UNC45B: variants seen among roughly 807,000 people sequenced by gnomAD.
UNC45B encodes protein unc-45 homolog B.
A neutral mutation model predicts 98.7 loss-of-function variants in UNC45B; 78 were observed. The observed-to-expected ratio is 0.79, with a 90% CI of 0.66 to 0.95. The LOEUF (loss-of-function observed/expected upper bound fraction) is 0.95, where lower values mean the gene tolerates loss of function less well. Among genes scored for constraint, UNC45B ranks in the 40% least tolerant of loss-of-function variants. The pLI is 0.00. For missense variants in UNC45B, 1,225 were observed against 1,184.9 expected (o/e 1.03, Z -0.50); for synonymous variants, 462 against 480.4 (o/e 0.96, Z 0.50).
chr17:35,150,056 A>C lies in UNC45B; in HGVS notation c.214A>C (p.Ile72Leu). The C allele has an allele frequency of 6.2e-7, 1 of 1,605,616 alleles. No homozygotes were observed. Among genetic ancestry groups the C allele is most frequent in the Non-Finnish European group, 8.5e-7 (1 of 1,175,792 alleles). ...CCGTCTCCCCTCGATAGCCATCGACATCAACTCCTCGGACATCAAGGCTCT... is the reference window on the plus strand; with the variant it reads ...CCGTCTCCCCTCGATAGCCATCGACCTCAACTCCTCGGACATCAAGGCTCT... ...AASDASRAID[I>L]NSSDIKALYR... is the part of the protein sequence containing the mutation. The change falls in exon 4 of 20, where the codon ATC (isoleucine) becomes CTC (leucine). Residue 72 changes from isoleucine (I) to leucine (L), a missense_variant. Transcript: ENST00000394570.
At position 35,186,605 on chromosome 17, in the gene UNC45B, G is replaced by A. The variant is rs1199089287; in HGVS notation, c.*46G>A. 1.9e-6 allele frequency: 3 copies of A among 1,592,690 alleles called. No individual in the cohort carries two copies. The highest frequency in any genetic ancestry group is 2.3e-5 in the South Asian group (2 of 88,422). On this transcript the variant is annotated 3_prime_UTR_variant, in exon 20 of 20. Coordinates refer to ENST00000394570, the MANE Select transcript of UNC45B (RefSeq NM_001267052.2). The stretch of plus-strand genomic sequence containing the variant: ...TGGGAGTGGTCCTGTACTGTGCAGA[G>A]TCCTGGGTTGGTTGGGTTCTCCTGA...
At chr17:35,185,117 G>A (rs757769193) in intron 19 of UNC45B, among the ~76,000 whole-genome samples, 1 of 152,076 alleles carries the variant, frequency 6.6e-6, no homozygotes, top group Non-Finnish European at 1.5e-5. Flanking sequence ...CTTGGGATAG[G>A]ACATTCAGTG....
chr17:35,169,481 G>A (rs2092166718), intron 10 of UNC45B, among the ~76,000 whole-genome samples: 1 of 152,166 alleles, frequency 6.6e-6, no homozygotes, highest in African/African-American at 2.4e-5. Context: ...GGATTTCTCT[G>A]TCAGTTTCTG....
chr17:35,150,194 A>G lies in UNC45B; in HGVS notation c.352A>G (p.Arg118Gly). The change falls in exon 4 of 20, where the codon AGG becomes GGG. Residue 118 changes from arginine to glycine, a missense_variant. By Grantham distance (125) the Arg-to-Gly change is moderately radical (BLOSUM62 -2). Transcript: ENST00000394570. Reference sequence around the variant, plus strand: ...GAACCAGAACTTCCAGGAGATGCTGAGGAGACTCAACACCAGCATTCAGGA... The same window carrying G: ...GAACCAGAACTTCCAGGAGATGCTGGGGAGACTCAACACCAGCATTCAGGA... The part of the protein sequence containing the change: ...PRNQNFQEML[R>G]RLNTSIQEKL... 12 of 1,613,248 alleles carry G rather than the reference A, an allele frequency of 7.4e-6. No individual in the cohort carries two copies. The highest frequency in any genetic ancestry group is 8.5e-6 in the Non-Finnish European group (10 of 1,179,522).
intron 9 of UNC45B, among the ~76,000 whole-genome samples, chr17:35,165,107 T>G (rs1398417970): frequency 6.6e-6 from 1 of 152,176 alleles, no homozygotes; most frequent in Non-Finnish European, 1.5e-5. Flanking sequence ...CAAGCAATCT[T>G]CCTGCCTCTG....
At position 35,175,091 on chromosome 17, in the gene UNC45B, A is replaced by AAGAAAGAAAGAAAG. The variant is rs1567766068; in HGVS notation, c.1958+731_1958+732insGAAAGAGAAAGAAA. Among the ~76,000 whole-genome samples the AAGAAAGAAAGAAAG allele has an allele frequency of 7.2e-4, 96 of 132,778 alleles. 1 individual carries two copies. Among genetic ancestry groups the AAGAAAGAAAGAAAG allele is most frequent in the African/African-American group, 2.4e-3 (90 of 36,988 alleles). 87.1% of individuals were successfully genotyped at this position (132,778 alleles called of 152,430 possible). A position where few individuals can be genotyped will look rare whatever the true frequency, so the allele number is the denominator to read the frequency against. On this transcript the variant is annotated intron_variant, in intron 14 of 19. Coordinates refer to ENST00000394570, the MANE Select transcript of UNC45B (RefSeq NM_001267052.2). The stretch of plus-strand genomic sequence containing the variant: ...AGAAAGAAAGAAAGAAAGAAAGAGA[A>AAGAAAGAAAGAAAG]AGAAAGAAAAAAGAAAAGAAAGAAA...
intron 17 of UNC45B, among the ~76,000 whole-genome samples, chr17:35,178,607 T>A (rs566526029): frequency 6.6e-6 from 1 of 152,166 alleles, no homozygotes; most frequent in Non-Finnish European, 1.5e-5. Flanking sequence ...TCATGAAGTC[T>A]TTGCCCATGC....
chr17:35,175,874 G>T, intron 14 of UNC45B, 94 bp from the exon 15 acceptor site: 1 of 1,216,022 alleles, frequency 8.2e-7, no homozygotes, highest in Non-Finnish European at 1.2e-6. Context: ...TCATCCCAGG[G>T]TTTCACTGGC....
intron 9 of UNC45B, among the ~76,000 whole-genome samples, chr17:35,167,747 C>T (rs1597919796): frequency 6.6e-6 from 1 of 152,162 alleles, no homozygotes; most frequent in African/African-American, 2.4e-5. Context: ...CCCAGTCCTG[C>T]TTCCTTCTCT....
intron 2 of UNC45B, 152 bp downstream of exon 2, chr17:35,148,583 C>T: frequency 1.1e-6 from 1 of 896,248 alleles, no homozygotes; most frequent in Non-Finnish European, 1.7e-6. Context: ...ACCCCCTGAC[C>T]CATGCCCCGG....
chr17:35,152,015 G>A (rs1007386033), intron 4 of UNC45B, among the ~76,000 whole-genome samples: 2 of 152,230 alleles, frequency 1.3e-5, no homozygotes, highest in African/African-American at 4.8e-5. Context: ...GGAAGCCGAG[G>A]TTGGTGAATC....
Position 35,186,546 on chromosome 17 carries a change from A to G in UNC45B, c.2777A>G (p.Lys926Arg). The change falls in exon 20 of 20, where the codon AAA becomes AGA. Residue 926 changes from lysine (K) to arginine (R), a missense_variant. Coordinates refer to ENST00000394570, the MANE Select transcript of UNC45B (RefSeq NM_001267052.2). ...LIKCMDYGFI[K>R]PVS ...AAGTGCATGGATTATGGTTTCATTAAACCAGTGTCTTAGACAGCGACCCTC... is the reference window on the plus strand; with the variant it reads ...AAGTGCATGGATTATGGTTTCATTAGACCAGTGTCTTAGACAGCGACCCTC... 6.2e-7 allele frequency: 1 copy of G among 1,614,162 alleles called. No homozygotes were observed. Among genetic ancestry groups the G allele is most frequent in the Non-Finnish European group, 8.5e-7 (1 of 1,180,012 alleles).
At chr17:35,179,861 A>C (rs2092261515) in intron 17 of UNC45B, among the ~76,000 whole-genome samples, 1 of 152,102 alleles carries the variant, frequency 6.6e-6, no homozygotes, top group African/African-American at 2.4e-5. Flanking sequence ...CTATGTAACA[A>C]ACCTGCACGT....
intron 17 of UNC45B, 121 bp from the exon 18 acceptor site, chr17:35,180,438 C>T (rs772060684): frequency 9.4e-5 from 69 of 733,312 alleles, no homozygotes; most frequent in Non-Finnish European, 1.4e-4. Context: ...ATAAACCATG[C>T]TGGCTGAGGA....
chr17:35,176,413 G>A (rs185950717), intron 15 of UNC45B, among the ~76,000 whole-genome samples: 20 of 152,298 alleles, frequency 1.3e-4, no homozygotes, highest in Admixed American at 1.2e-3. Flanking sequence ...TCAATTTGCA[G>A]ACTGTCACAA....
Position 35,162,449 on chromosome 17 carries a change from C to T in UNC45B, c.980-1546C>T, listed in dbSNP as rs115360013. Among the ~76,000 whole-genome samples the T allele has an allele frequency of 5.2e-3, 788 of 152,240 alleles. 9 individuals are homozygous for T. The highest frequency in any genetic ancestry group is 0.018 in the African/African-American group (744 of 41,532). ...ACATAGCACAAAATTTACTGCCAGG[C>T]GCTTTCTTTTTCTTTTTCTTTCATA... On this transcript the variant is annotated intron_variant, in intron 8 of 19. Transcript: ENST00000394570.
intron 14 of UNC45B, among the ~76,000 whole-genome samples, chr17:35,175,060 G>GATGA (rs1491189117): frequency 4.5e-5 from 5 of 110,052 alleles, no homozygotes; most frequent in African/African-American, 1.7e-4. Context: ...AGAAAGGAAA[G>GATGA]AAGAAAGAAA....
rs115560655 is a variant in UNC45B, at chr17:35,162,908, C to A, written c.980-1087C>A. ...TGTACTACACAAGGTCTGACCAGCT[C>A]CAAGCCACCTCTAAAACCTGGCTCC... is the stretch of plus-strand genomic sequence containing the variant. On this transcript the variant is annotated intron_variant, in intron 8 of 19. Coordinates refer to ENST00000394570, the MANE Select transcript of UNC45B (RefSeq NM_001267052.2). 6.5e-3 allele frequency among the ~76,000 whole-genome samples: 991 copies of A among 152,262 alleles called. 10 individuals are homozygous for A. The highest frequency in any genetic ancestry group is 0.023 in the African/African-American group (953 of 41,540).
intron 9 of UNC45B, among the ~76,000 whole-genome samples, chr17:35,166,233 A>T (rs1021899023): frequency 2.6e-5 from 4 of 151,812 alleles, no homozygotes; most frequent in African/African-American, 7.3e-5. Context: ...GCACTACTGC[A>T]CTCCAGCCTG....
Sources: allele counts gnomAD v4.1 joint callset (sites outside exome capture counted in the v4.1 genomes callset), GRCh38; gene constraint gnomAD v4.1.1; transcripts MANE v1.5; gene names NCBI Gene and HGNC (gene_info 2026-07-23, HGNC 2026-07-21).